Variants in DOCK3 observed in about 807,000 individuals in gnomAD.
The protein encoded by DOCK3 is dedicator of cytokinesis protein 3.
DOCK3 carries 60 observed loss-of-function variants against 265.6 expected under a neutral mutation model. The observed-to-expected ratio is 0.23, with a 90% CI of 0.18 to 0.28. DOCK3 has a LOEUF of 0.28. Among genes scored for constraint, DOCK3 ranks in the 10% least tolerant of loss-of-function variants. The pLI is 1.00. For synonymous variants in DOCK3, 881 were observed against 938.0 expected (o/e 0.94, Z 1.11); for missense variants, 1,981 against 2,594.3 (o/e 0.76, Z 5.14).
At chr3:51,221,924 C>T (rs2090116007) in intron 14 of DOCK3, among the ~76,000 whole-genome samples, 1 of 152,214 alleles carries the variant, frequency 6.6e-6, no homozygotes, top group Non-Finnish European at 1.5e-5. Context: ...CAGTCCCCTA[C>T]TCCTACCCAA....
intron 19 of DOCK3, among the ~76,000 whole-genome samples, chr3:51,232,972 C>T (rs902393275): frequency 6.6e-6 from 1 of 152,072 alleles, no homozygotes; most frequent in Non-Finnish European, 1.5e-5. Context: ...TGTTGTGTTC[C>T]ATTGGTCTGT....
chr3:51,002,121 T>G (rs980238953), intron 5 of DOCK3, among the ~76,000 whole-genome samples: 6 of 152,030 alleles, frequency 3.9e-5, no homozygotes, highest in African/African-American at 1.4e-4. Flanking sequence ...AATTTTTTTT[T>G]TTTGTTTGGT....
chr3:51,008,472 C>T (rs190479713), intron 5 of DOCK3, among the ~76,000 whole-genome samples: 25 of 152,260 alleles, frequency 1.6e-4, no homozygotes, highest in African/African-American at 5.3e-4. Context: ...TTTTGCACAT[C>T]GATTTTGTAT....
intron 23 of DOCK3, among the ~76,000 whole-genome samples, chr3:51,261,713 C>T (rs2079857249): frequency 6.6e-6 from 1 of 152,204 alleles, no homozygotes; most frequent in Non-Finnish European, 1.5e-5. Flanking sequence ...CTGGGACACT[C>T]AAGCTTGGTC....
At chr3:51,066,932 A>G (rs2081611228) in intron 6 of DOCK3, among the ~76,000 whole-genome samples, 1 of 152,198 alleles carries the variant, frequency 6.6e-6, no homozygotes, top group Non-Finnish European at 1.5e-5. Flanking sequence ...TAGGTGTACC[A>G]TAGATCAGTG....
chr3:51,159,095 C>T, intron 10 of DOCK3, 149 bp from the exon 11 acceptor site: 1 of 581,248 alleles, frequency 1.7e-6, no homozygotes, highest in Admixed American at 2.8e-5. Flanking sequence ...TCACTGCAGA[C>T]ATCTTATAAA....
intron 40 of DOCK3, among the ~76,000 whole-genome samples, chr3:51,353,183 G>A (rs907703051): frequency 1.3e-5 from 2 of 152,182 alleles, no homozygotes; most frequent in African/African-American, 2.4e-5. Context: ...TATTTATCAA[G>A]CAAAAGATGT....
chr3:50,754,663 G>A (rs1023585288), intron 1 of DOCK3, among the ~76,000 whole-genome samples: 2 of 151,272 alleles, frequency 1.3e-5, no homozygotes, highest in African/African-American at 4.9e-5. Flanking sequence ...GGTTTCAAGC[G>A]ATTTTCCTGC....
At chr3:51,311,374 G>T (rs913353291) in intron 28 of DOCK3, among the ~76,000 whole-genome samples, 1 of 152,156 alleles carries the variant, frequency 6.6e-6, no homozygotes, top group African/African-American at 2.4e-5. Context: ...TGTCCCACTA[G>T]ACTTCCTCTC....
intron 5 of DOCK3, among the ~76,000 whole-genome samples, chr3:51,026,759 G>A (rs1008108939): frequency 2.6e-5 from 4 of 152,062 alleles, no homozygotes; most frequent in African/African-American, 7.2e-5. Flanking sequence ...AGATTTTCTA[G>A]TTTGTGCACA....
At chr3:50,916,821 T>TG (rs71633044) in intron 4 of DOCK3, among the ~76,000 whole-genome samples, 1 of 136,994 alleles carries the variant, frequency 7.3e-6, no homozygotes, top group Admixed American at 8.0e-5. Context: ...CACTCCAGCC[T>TG]GGGCAACAGA....
intron 5 of DOCK3, among the ~76,000 whole-genome samples, chr3:51,005,223 T>TA (rs1207354998): frequency 6.6e-6 from 1 of 152,170 alleles, no homozygotes; most frequent in Non-Finnish European, 1.5e-5. Context: ...TCTCCACCTC[T>TA]AGAACACTGC....
At chr3:50,945,810 A>G (rs2076410949) in intron 5 of DOCK3, among the ~76,000 whole-genome samples, 1 of 152,132 alleles carries the variant, frequency 6.6e-6, no homozygotes, top group Admixed American at 6.6e-5. Flanking sequence ...GGCTTTGGAA[A>G]CAGATTTCCT....
chr3:50,859,539 T>G (rs1311133945), intron 3 of DOCK3, among the ~76,000 whole-genome samples: 2 of 152,012 alleles, frequency 1.3e-5, no homozygotes, highest in Non-Finnish European at 2.9e-5. Context: ...TTGTAGGACA[T>G]ATGACACTCT....
At chr3:50,866,537 A>C (rs367773269) in intron 3 of DOCK3, among the ~76,000 whole-genome samples, 3 of 151,174 alleles carry the variant, frequency 2.0e-5, no homozygotes, top group Admixed American at 6.6e-5. Context: ...GAGTTTCCCC[A>C]AAATTTTCTT....
chr3:51,166,265 G>C (rs1404721362), intron 12 of DOCK3, among the ~76,000 whole-genome samples: 1 of 151,798 alleles, frequency 6.6e-6, no homozygotes, highest in Non-Finnish European at 1.5e-5. Flanking sequence ...TGGCCAGGCT[G>C]GTCTCGAACT....
At chr3:51,238,231 T>C (rs9814041) in intron 21 of DOCK3, among the ~76,000 whole-genome samples, 135,521 of 148,488 alleles carry the variant, frequency 0.91, 61,954 homozygotes, top group African/African-American at 0.96. Flanking sequence ...CAAGCTCTGC[T>C]TCCCGGGTTC....
intron 9 of DOCK3, among the ~76,000 whole-genome samples, chr3:51,139,464 G>A (rs540479222): frequency 5.3e-5 from 8 of 152,200 alleles, no homozygotes; most frequent in East Asian, 3.9e-4. Flanking sequence ...TGATGTACCC[G>A]TCCATTTCAT....
intron 1 of DOCK3, among the ~76,000 whole-genome samples, chr3:50,750,424 G>T (rs187726074): frequency 6.7e-6 from 1 of 149,780 alleles, no homozygotes; most frequent in Admixed American, 6.7e-5. Context: ...TCCAACTCCC[G>T]GTTCAAGCTA....
Sources: allele counts gnomAD v4.1 joint callset (sites outside exome capture counted in the v4.1 genomes callset), GRCh38; gene constraint gnomAD v4.1.1; transcripts MANE v1.5; gene names NCBI Gene and HGNC (gene_info 2026-07-23, HGNC 2026-07-21).